Variants in RBBP8NL observed in about 807,000 individuals in gnomAD.
RBBP8NL encodes RBBP8 N-terminal-like protein.
A neutral mutation model predicts 62.2 loss-of-function variants in RBBP8NL; 59 were observed. The observed-to-expected ratio is 0.95, with a 90% CI of 0.77 to 1.18. The LOEUF (loss-of-function observed/expected upper bound fraction) is 1.18, where lower values mean the gene tolerates loss of function less well. RBBP8NL is among the 50% of genes most tolerant of loss of function. The probability of loss-of-function intolerance (pLI) is 0.00; values close to 1 mark genes in which losing one functional copy is unlikely to be tolerated. For missense variants in RBBP8NL, 896 were observed against 899.5 expected, an observed-to-expected ratio of 1.00 and a Z score of 0.05; for synonymous variants, 412 against 394.1, an observed-to-expected ratio of 1.05 and a Z score of -0.54.
intron 1 of RBBP8NL, among the ~76,000 whole-genome samples, chr20:62,425,341 C>T (rs1193172938): frequency 6.6e-6 from 1 of 152,192 alleles, no homozygotes; most frequent in Non-Finnish European, 1.5e-5. Flanking sequence ...GGACGCAGCC[C>T]TCCCCACGCT....
At chr20:62,422,598 G>C (rs1019252079) in intron 1 of RBBP8NL, among the ~76,000 whole-genome samples, 5 of 27,814 alleles carry the variant, frequency 1.8e-4, no homozygotes, top group African/African-American at 2.9e-4. Flanking sequence ...GTGGGGACGG[G>C]GACTGGGGTG....
At chr20:62,425,270 G>A (rs1029629007) in intron 1 of RBBP8NL, among the ~76,000 whole-genome samples, 3 of 152,280 alleles carry the variant, frequency 2.0e-5, no homozygotes, top group South Asian at 2.1e-4. Context: ...CAGTGCTGAC[G>A]GCAGGACCCT....
Position 62,416,795 on chromosome 20 carries a change from G to T in RBBP8NL, c.278C>A (p.Ser93Tyr), listed in dbSNP as rs1988577680. The change falls in exon 5 of 14, where the codon TCC (serine) becomes TAC (tyrosine). Residue 93 changes from serine (S) to tyrosine (Y), a missense_variant. Physicochemically the swap from Ser to Tyr is moderately radical, Grantham distance 144 (BLOSUM62 -2). Transcript: ENST00000252998. Reference sequence around the variant, plus strand: ...GATGCGCTGCAGGTTCTGCAGGTGGGAGCTCTCGAACTCCTGCTGCCGCTT... The same window carrying T: ...GATGCGCTGCAGGTTCTGCAGGTGGTAGCTCTCGAACTCCTGCTGCCGCTT... ...ARKRQQEFES[S>Y]HLQNLQRIFI... 6.3e-7 allele frequency: 1 copy of T among 1,591,026 alleles called. No homozygotes were observed.
Position 62,414,255 on chromosome 20 carries a change from C to G in RBBP8NL, c.1096G>C (p.Ala366Pro). Residue 366 changes from alanine (A) to proline (P), a missense_variant, in exon 10 of 14, where the codon GCT becomes CCT. By Grantham distance (27) the Ala-to-Pro change is conservative (BLOSUM62 -1). Coordinates refer to ENST00000252998, the MANE Select transcript of RBBP8NL (RefSeq NM_080833.3). ...HLLLAQQQLR[A>P]RARAGSVRPR... ...CTGACACTGCCTGCCCTGGCCCTAG[C>G]CCGCAGCTGCTGCTGGGCCAGGAGC... 1 of 1,592,314 alleles carries G rather than the reference C, an allele frequency of 6.3e-7. No homozygotes were observed. Among genetic ancestry groups the G allele is most frequent in the Non-Finnish European group, 8.5e-7 (1 of 1,171,280 alleles).
intron 1 of RBBP8NL, among the ~76,000 whole-genome samples, chr20:62,425,139 T>C (rs944666456): frequency 6.6e-6 from 1 of 152,166 alleles, no homozygotes; most frequent in Admixed American, 6.5e-5. Context: ...TCACAGGTAA[T>C]GCCTGTGTGG....
At position 62,410,803 on chromosome 20, in the gene RBBP8NL, G is replaced by T; in HGVS notation, c.*75C>A. 1 of 977,654 alleles carries T rather than the reference G, an allele frequency of 1.0e-6. No individual in the cohort carries two copies. The allele number at this position is 977,654 out of a possible 1,614,324, so 60.6% of individuals were successfully genotyped here. A position where few individuals can be genotyped will look rare whatever the true frequency, so the allele number is the denominator to read the frequency against. On this transcript the variant is annotated 3_prime_UTR_variant, in exon 14 of 14. Coordinates refer to ENST00000252998, the MANE Select transcript of RBBP8NL (RefSeq NM_080833.3). ...GTGCAGGGCTGCCTGCTGGTTGGATGGTGTGCCCTCTCCAGGCCCTGGTGG... is the reference window on the plus strand; with the variant it reads ...GTGCAGGGCTGCCTGCTGGTTGGATTGTGTGCCCTCTCCAGGCCCTGGTGG...
chr20:62,418,863 G>A (rs1601489121), intron 2 of RBBP8NL, among the ~76,000 whole-genome samples: 8 of 152,272 alleles, frequency 5.3e-5, no homozygotes, highest in Admixed American at 4.6e-4. Context: ...TCTCCTTGCC[G>A]TATCTTGGGG....
intron 1 of RBBP8NL, among the ~76,000 whole-genome samples, chr20:62,425,510 C>G (rs766938853): frequency 3.3e-5 from 5 of 152,254 alleles, no homozygotes; most frequent in Non-Finnish European, 5.9e-5. Flanking sequence ...CAGCTGTGGC[C>G]CTGGCAGGAC....
intron 1 of RBBP8NL, among the ~76,000 whole-genome samples, chr20:62,426,883 T>G (rs1988821691): frequency 6.6e-6 from 1 of 152,176 alleles, no homozygotes. Context: ...CCTGACTCCC[T>G]CCCGGAGGTG....
At position 62,415,677 on chromosome 20, in the gene RBBP8NL, C is replaced by T; in HGVS notation, c.545-17G>A. On this transcript the variant is annotated splice_polypyrimidine_tract_variant and intron_variant, in intron 7 of 13. Transcript: ENST00000252998. Reference sequence around the variant, plus strand: ...CTGGCTTTTCTGTGGGAGGAGAAGCCAGGGGCAAGAGCTTGGGAGGTGCTC... The same window carrying T: ...CTGGCTTTTCTGTGGGAGGAGAAGCTAGGGGCAAGAGCTTGGGAGGTGCTC... 1.2e-6 allele frequency: 2 copies of T among 1,612,366 alleles called. No individual in the cohort carries two copies. The highest frequency in any genetic ancestry group is 2.2e-5 in the East Asian group (1 of 44,860).
intron 2 of RBBP8NL, among the ~76,000 whole-genome samples, chr20:62,418,935 C>T (rs1031651599): frequency 1.3e-4 from 20 of 152,146 alleles, no homozygotes; most frequent in Admixed American, 9.8e-4. Flanking sequence ...AGGAGGCAGC[C>T]GGGTCCTTGG....
chr20:62,413,185 C>T (rs1181264816), intron 11 of RBBP8NL, among the ~76,000 whole-genome samples: 1 of 152,256 alleles, frequency 6.6e-6, no homozygotes, highest in Non-Finnish European at 1.5e-5. Context: ...TTCCCCCTCA[C>T]TGAGTGTTGT....
Position 62,418,434 on chromosome 20 carries a change from T to C in RBBP8NL, c.93A>G (p.Ser31=). The C allele has an allele frequency of 6.5e-7, 1 of 1,550,378 alleles. No homozygotes were observed. Among genetic ancestry groups the C allele is most frequent in the Non-Finnish European group, 8.7e-7 (1 of 1,146,934 alleles). The part of the protein sequence containing the change: ...GLQNKLLELN[S]ERCRDAQRIE... Reference sequence around the variant, plus strand: ...TTGGCCTGACTCACCGGCACCTCTCTGAGTTCAGTTCCAGAAGCTTGTTCT... The same window carrying C: ...TTGGCCTGACTCACCGGCACCTCTCCGAGTTCAGTTCCAGAAGCTTGTTCT... The change falls in exon 3 of 14, where the codon TCA becomes TCG. Residue 31 remains serine (S), a synonymous_variant. Coordinates refer to ENST00000252998, the MANE Select transcript of RBBP8NL (RefSeq NM_080833.3).
At chr20:62,413,375 A>T in intron 11 of RBBP8NL, 26 bp downstream of exon 11, 1 of 1,397,954 alleles carries the variant, frequency 7.2e-7, no homozygotes, top group South Asian at 1.8e-5. Flanking sequence ...TCCCAGCTGG[A>T]CTCTGACCCC....
Position 62,414,170 on chromosome 20 carries a change from G to C in RBBP8NL, c.1181C>G (p.Ser394Cys), listed in dbSNP as rs1988505299. ...MLPSLPVGSD[S>C]EGPENEGTRA... Reference sequence around the variant, plus strand: ...GGTCCCCTCATTCTCAGGGCCCTCAGAGTCTGAGCCGACTGGTAGGGAGGG... The same window carrying C: ...GGTCCCCTCATTCTCAGGGCCCTCACAGTCTGAGCCGACTGGTAGGGAGGG... The change falls in exon 10 of 14, where the codon TCT (serine) becomes TGT (cysteine). Residue 394 changes from serine to cysteine, a missense_variant. Coordinates refer to ENST00000252998, the MANE Select transcript of RBBP8NL (RefSeq NM_080833.3). The C allele has an allele frequency of 1.2e-6, 2 of 1,609,302 alleles. No homozygotes were observed. The highest frequency in any genetic ancestry group is 1.7e-6 in the Non-Finnish European group (2 of 1,179,202).
chr20:62,416,282 C>T (rs750598049), intron 5 of RBBP8NL, 46 bp from the exon 6 acceptor site: 3 of 214,788 alleles, frequency 1.4e-5, no homozygotes, highest in Admixed American at 6.5e-5. Flanking sequence ...TTGGGGGGGA[C>T]AGGGGCAGGG....
At chr20:62,423,449 G>C (rs932431364) in intron 1 of RBBP8NL, among the ~76,000 whole-genome samples, 7 of 152,294 alleles carry the variant, frequency 4.6e-5, no homozygotes, top group South Asian at 2.1e-4. Flanking sequence ...GGGCCTCCCT[G>C]GGCTCAAGCA....
chr20:62,414,317 CCCG>C lies in RBBP8NL; in HGVS notation c.1031_1033del (p.Ala344del). ...CCCCTCCAGGCGAAGGTCCTGCATG[CCCG>C]CCAGGGCACTGGGCAGCCCCAGCAG... is the stretch of plus-strand genomic sequence containing the variant. On this transcript the variant is annotated inframe_deletion, in exon 10 of 14. Coordinates refer to ENST00000252998, the MANE Select transcript of RBBP8NL (RefSeq NM_080833.3). 1 of 1,561,260 alleles carries C rather than the reference CCCG, an allele frequency of 6.4e-7. No homozygotes were observed. Among genetic ancestry groups the C allele is most frequent in the Non-Finnish European group, 8.7e-7 (1 of 1,154,544 alleles).
At chr20:62,413,765 G>A (rs962214537) in intron 10 of RBBP8NL, 56 bp downstream of exon 10, 67 of 1,523,810 alleles carry the variant, frequency 4.4e-5, no homozygotes, top group African/African-American at 6.9e-5. Context: ...AGGCCGGCCC[G>A]GGGTGGGGGA....
Sources: allele counts gnomAD v4.1 joint callset (sites outside exome capture counted in the v4.1 genomes callset), GRCh38; gene constraint gnomAD v4.1.1; transcripts MANE v1.5; gene names NCBI Gene and HGNC (gene_info 2026-07-23, HGNC 2026-07-21).